COPS6: variants seen among roughly 807,000 people sequenced by gnomAD.
The protein encoded by COPS6 is COP9 signalosome complex subunit 6.
COPS6 carries 9 observed loss-of-function variants against 41.0 expected under a neutral mutation model. The observed-to-expected ratio is 0.22, with a 90% CI of 0.13 to 0.38. The LOEUF (loss-of-function observed/expected upper bound fraction) is 0.38, where lower values mean the gene tolerates loss of function less well. COPS6 is among the 10% of genes least tolerant of loss of function. COPS6 has a pLI of 1.00. For synonymous variants in COPS6, 179 were observed against 162.9 expected (o/e 1.10, Z -0.75); for missense variants, 302 against 436.7 (o/e 0.69, Z 2.75).
chr7:100,091,013 C>T lies in COPS6; in HGVS notation c.535-25C>T. The stretch of plus-strand genomic sequence containing the variant: ...GCCTCTTTCCTGCTTTTGATTCTCC[C>T]TTTGTGGGTTACCTTGCCCTGTAGG... On this transcript the variant is annotated intron_variant, in intron 6 of 9. Coordinates refer to ENST00000303904, the MANE Select transcript of COPS6 (RefSeq NM_006833.5). The surrounding 1 kb of genome is among the most constrained non-coding windows in gnomAD (Gnocchi z 4.1). 1 of 1,613,908 alleles carries T rather than the reference C, an allele frequency of 6.2e-7. No individual in the cohort carries two copies. The highest frequency in any genetic ancestry group is 8.5e-7 in the Non-Finnish European group (1 of 1,179,760).
At position 100,091,924 on chromosome 7, in the gene COPS6, T is replaced by TC; in HGVS notation, c.*137dup. 8.7e-7 allele frequency: 1 copy of TC among 1,151,000 alleles called. No homozygotes were observed. Among genetic ancestry groups the TC allele is most frequent in the Non-Finnish European group, 1.2e-6 (1 of 810,316 alleles). 71.3% of individuals were successfully genotyped at this position (1,151,000 alleles called of 1,614,324 possible). A position where few individuals can be genotyped will look rare whatever the true frequency, so the allele number is the denominator to read the frequency against. The stretch of plus-strand genomic sequence containing the variant: ...CTGAGCACCCCTGCTGGTGGCTCTG[T>TC]CCTCTGTTAGGCACCACACTGGTTG... On this transcript the variant is annotated 3_prime_UTR_variant, in exon 10 of 10. Coordinates refer to ENST00000303904, the MANE Select transcript of COPS6 (RefSeq NM_006833.5). The surrounding 1 kb of genome is among the most constrained non-coding windows in gnomAD (Gnocchi z 4.1).
rs765573247 is a variant in COPS6, at chr7:100,091,160, A to G, written c.649+8A>G. On this transcript the variant is annotated splice_region_variant and intron_variant, in intron 7 of 9. Transcript: ENST00000303904. This position sits in a 1 kb window ranked among gnomAD's most constrained non-coding sequence, Gnocchi z 4.1. ...GTGGAGAGAACTCCACTGGTAATGG[A>G]GGGGATTCCTTGGAAGTGGGGTTGG... The G allele has an allele frequency of 1.1e-5, 17 of 1,613,860 alleles. No individual in the cohort carries two copies. Among genetic ancestry groups the G allele is most frequent in the Admixed American group, 3.3e-5 (2 of 60,006 alleles).
intron 4 of COPS6, 50 bp downstream of exon 4, chr7:100,090,537 G>A: frequency 6.2e-7 from 1 of 1,610,274 alleles, no homozygotes; most frequent in Non-Finnish European, 8.5e-7. Flanking sequence ...GGAGAATGAG[G>A]GGAAGGAGAA....
In COPS6 at chr7:100,091,573, G is replaced by C. The variant is rs1045394766; in HGVS notation, c.843+53G>C. 6.2e-7 allele frequency: 1 copy of C among 1,613,890 alleles called. No individual in the cohort carries two copies. Among genetic ancestry groups the C allele is most frequent in the Non-Finnish European group, 8.5e-7 (1 of 1,179,800 alleles). On this transcript the variant is annotated intron_variant, in intron 9 of 9. Coordinates refer to ENST00000303904, the MANE Select transcript of COPS6 (RefSeq NM_006833.5). The surrounding 1 kb of genome is among the most constrained non-coding windows in gnomAD (Gnocchi z 4.1). ...GGGGCTTATGCTGTCACTTTCACGT[G>C]CAGGACTGGGGACTGTTGTTCCCCG...
Position 100,091,671 on chromosome 7 carries a change from T to C in COPS6, c.866T>C (p.Met289Thr). 6.2e-7 allele frequency: 1 copy of C among 1,614,210 alleles called. No homozygotes were observed. Among genetic ancestry groups the C allele is most frequent in the South Asian group, 1.1e-5 (1 of 91,084 alleles). The change falls in exon 10 of 10, where the codon ATG (methionine) becomes ACG (threonine). Residue 289 changes from methionine (M) to threonine (T), a missense_variant. Coordinates refer to ENST00000303904, the MANE Select transcript of COPS6 (RefSeq NM_006833.5). This position sits in a 1 kb window ranked among gnomAD's most constrained non-coding sequence, Gnocchi z 4.1. ...FYDQCNDVGL[M>T]AYLGTITKTC... ...CAGCAATGCAACGACGTGGGGCTCATGGCCTACCTCGGCACCATCACCAAA... is the reference window on the plus strand; with the variant it reads ...CAGCAATGCAACGACGTGGGGCTCACGGCCTACCTCGGCACCATCACCAAA...
At chr7:100,090,976 A>T in intron 6 of COPS6, 27 bp downstream of exon 6, 1 of 1,613,994 alleles carries the variant, frequency 6.2e-7, no homozygotes, top group Non-Finnish European at 8.5e-7. Flanking sequence ...CAACCCTCAG[A>T]TCCTGCTCTT....
In COPS6 at chr7:100,091,623, A is replaced by T. The variant is rs1450623459; in HGVS notation, c.844-26A>T. On this transcript the variant is annotated intron_variant, in intron 9 of 9. Transcript: ENST00000303904. The surrounding 1 kb of genome is among the most constrained non-coding windows in gnomAD (Gnocchi z 4.1). ...GGGCATGCCACGAGGGATCCCGAGG[A>T]ACTGGTCCTTTCTGTTCCCTCCCAG... 1 of 1,614,010 alleles carries T rather than the reference A, an allele frequency of 6.2e-7. No individual in the cohort carries two copies. Among genetic ancestry groups the T allele is most frequent in the Non-Finnish European group, 8.5e-7 (1 of 1,180,008 alleles).
chr7:100,090,419 C>T lies in COPS6; in HGVS notation c.355C>T (p.Leu119=), dbSNP rs1795296103. Residue 119 remains leucine (L), a synonymous_variant, in exon 4 of 10, where the codon CTG becomes TTG. Transcript: ENST00000303904. The part of the protein sequence containing the change: ...EEQFKQVFKE[L]EFLGWYTTGG... Reference sequence around the variant, plus strand: ...TCTAGTTAAACAGGTGTTCAAGGAGCTGGAGTTTCTGGGTTGGTATACCAC... The same window carrying T: ...TCTAGTTAAACAGGTGTTCAAGGAGTTGGAGTTTCTGGGTTGGTATACCAC... 6.2e-7 allele frequency: 1 copy of T among 1,613,656 alleles called. No individual in the cohort carries two copies. The highest frequency in any genetic ancestry group is 1.7e-5 in the Admixed American group (1 of 60,010).
chr7:100,091,932 T>C lies in COPS6; in HGVS notation c.*143T>C. Reference sequence around the variant, plus strand: ...CCCTGCTGGTGGCTCTGTCCTCTGTTAGGCACCACACTGGTTGGTCAACTT... The same window carrying C: ...CCCTGCTGGTGGCTCTGTCCTCTGTCAGGCACCACACTGGTTGGTCAACTT... On this transcript the variant is annotated 3_prime_UTR_variant, in exon 10 of 10. Coordinates refer to ENST00000303904, the MANE Select transcript of COPS6 (RefSeq NM_006833.5). This position sits in a 1 kb window ranked among gnomAD's most constrained non-coding sequence, Gnocchi z 4.1. 2 of 1,021,422 alleles carry C rather than the reference T, an allele frequency of 2.0e-6. No homozygotes were observed. The highest frequency in any genetic ancestry group is 2.9e-6 in the Non-Finnish European group (2 of 700,430). The allele number at this position is 1,021,422 out of a possible 1,614,324, so 63.3% of individuals were successfully genotyped here. A position where few individuals can be genotyped will look rare whatever the true frequency, so the allele number is the denominator to read the frequency against.
rs771471221 is a variant in COPS6 at position 100,090,449 on chromosome 7, G to T, written c.385G>T (p.Gly129Trp). ...GTTTCTGGGTTGGTATACCACAGGG[G>T]GGCCACCTGACCCCTCGGACATCCA... is the stretch of plus-strand genomic sequence containing the variant. The part of the protein sequence containing the change: ...LEFLGWYTTG[G>W]PPDPSDIHVH... Residue 129 changes from glycine (G) to tryptophan (W), a missense_variant, in exon 4 of 10, where the codon GGG becomes TGG. Coordinates refer to ENST00000303904, the MANE Select transcript of COPS6 (RefSeq NM_006833.5). 1 of 1,614,104 alleles carries T rather than the reference G, an allele frequency of 6.2e-7. No individual in the cohort carries two copies. Among genetic ancestry groups the T allele is most frequent in the African/African-American group, 1.3e-5 (1 of 75,006 alleles).
rs1196194915 is a variant in COPS6 at position 100,091,154 on chromosome 7, TA to T, written c.649+4del. 1 of 1,613,212 alleles carries T rather than the reference TA, an allele frequency of 6.2e-7. No homozygotes were observed. The highest frequency in any genetic ancestry group is 1.3e-5 in the African/African-American group (1 of 74,914). On this transcript the variant is annotated splice_donor_region_variant and intron_variant, in intron 7 of 9. Coordinates refer to ENST00000303904, the MANE Select transcript of COPS6 (RefSeq NM_006833.5). This position sits in a 1 kb window ranked among gnomAD's most constrained non-coding sequence, Gnocchi z 4.1. ...CAGGCAGTGGAGAGAACTCCACTGG[TA>T]ATGGAGGGGATTCCTTGGAAGTGGG...
rs200743570 is a variant in COPS6, at chr7:100,091,645, C to A, written c.844-4C>A. On this transcript the variant is annotated splice_polypyrimidine_tract_variant and splice_region_variant and intron_variant, in intron 9 of 9. Coordinates refer to ENST00000303904, the MANE Select transcript of COPS6 (RefSeq NM_006833.5). The surrounding 1 kb of genome is among the most constrained non-coding windows in gnomAD (Gnocchi z 4.1). ...AGGAACTGGTCCTTTCTGTTCCCTC[C>A]CAGCAATGCAACGACGTGGGGCTCA... 1 of 1,614,198 alleles carries A rather than the reference C, an allele frequency of 6.2e-7. No individual in the cohort carries two copies. Among genetic ancestry groups the A allele is most frequent in the African/African-American group, 1.3e-5 (1 of 75,040 alleles).
intron 3 of COPS6, 128 bp downstream of exon 3, chr7:100,089,874 T>A: frequency 1.2e-6 from 1 of 841,032 alleles, no homozygotes; most frequent in Non-Finnish European, 1.8e-6. Flanking sequence ...AAGTGAAGAG[T>A]AGCTGGAGAG....
chr7:100,089,437 C>T (rs1297220099), intron 2 of COPS6, 22 bp downstream of exon 2: 2 of 1,613,650 alleles, frequency 1.2e-6, no homozygotes, highest in African/African-American at 2.7e-5. Context: ...GCATAGACTC[C>T]AGTCTCTTCT....
Position 100,089,429 on chromosome 7 carries a change from A to G in COPS6, c.202+14A>G, listed in dbSNP as rs775974257. On this transcript the variant is annotated intron_variant, in intron 2 of 9. Transcript: ENST00000303904. ...GGCCTGTGCAGGGTGAGTGTTGGGC[A>G]TAGACTCCAGTCTCTTCTCCTTGCT... The G allele has an allele frequency of 5.0e-6, 8 of 1,613,860 alleles. No individual in the cohort carries two copies. Among genetic ancestry groups the G allele is most frequent in the Admixed American group, 1.7e-5 (1 of 59,960 alleles).
rs766355173 is a variant in COPS6, at chr7:100,091,839, G to A, written c.*50G>A. 3.5e-5 allele frequency: 56 copies of A among 1,611,672 alleles called. No individual in the cohort carries two copies. The highest frequency in any genetic ancestry group is 4.6e-5 in the Non-Finnish European group (54 of 1,178,156). On this transcript the variant is annotated 3_prime_UTR_variant, in exon 10 of 10. Coordinates refer to ENST00000303904, the MANE Select transcript of COPS6 (RefSeq NM_006833.5). This position sits in a 1 kb window ranked among gnomAD's most constrained non-coding sequence, Gnocchi z 4.1. ...ACAGGGGTCAGGCAACTATCCCAAA[G>A]GGGAGGGCACTACACTTCCTTGAGA...
At chr7:100,090,552 A>G (rs778538293) in intron 4 of COPS6, 40 bp from the exon 5 acceptor site, 69 of 1,610,738 alleles carry the variant, frequency 4.3e-5, no homozygotes, top group Non-Finnish European at 5.6e-5. Flanking sequence ...GGAGAAAGGT[A>G]GGGGGCACTG....
intron 3 of COPS6, 196 bp downstream of exon 3, chr7:100,089,942 G>A (rs2116535797): frequency 3.5e-6 from 2 of 569,878 alleles, no homozygotes; most frequent in South Asian, 4.3e-5. Flanking sequence ...AGGATGAGAG[G>A]AGACAGGATA....
At chr7:100,089,551 C>T (rs1795283054) in intron 2 of COPS6, 64 bp from the exon 3 acceptor site, 3 of 1,600,308 alleles carry the variant, frequency 1.9e-6, no homozygotes, top group African/African-American at 1.3e-5. Context: ...TCCCACTGAT[C>T]TCAGACCCTC....
Sources: allele counts gnomAD v4.1 joint callset, GRCh38; gene constraint gnomAD v4.1.1; non-coding constraint Gnocchi (gnomAD v3.1); transcripts MANE v1.5; gene names NCBI Gene and HGNC (gene_info 2026-07-23, HGNC 2026-07-21).